PHOX2B: variants seen among roughly 807,000 people sequenced by gnomAD.
PHOX2B encodes the protein paired like homeobox 2B.
Under a neutral mutation model 15.5 loss-of-function variants are expected in PHOX2B, and 1 was observed. The ratio of observed to expected loss-of-function variants is 0.06; its 90% CI spans 0.02 to 0.31. PHOX2B has a LOEUF of 0.31. Ranked by LOEUF, PHOX2B falls within the 10% of genes least tolerant of loss-of-function variation. The probability of loss-of-function intolerance (pLI) is 1.00; values close to 1 mark genes in which losing one functional copy is unlikely to be tolerated. For synonymous variants in PHOX2B, 206 were observed against 190.5 expected (o/e 1.08, Z -0.67); for missense variants, 314 against 436.4 (o/e 0.72, Z 2.50).
rs147497096 is a variant in PHOX2B, at chr4:41,747,373, G to A, written c.405C>T (p.Ile135=). ...CCTGGACTCGCGCCTCTGTGAGGTC[G>A]ATCTTCAGGGCCAGCTCCTCCCGAG... The part of the protein sequence containing the change: ...IYTREELALK[I]DLTEARVQVW... Residue 135 remains isoleucine, a synonymous_variant, in exon 2 of 3, where the codon ATC becomes ATT. Coordinates refer to ENST00000226382, the MANE Select transcript of PHOX2B (RefSeq NM_003924.4). The A allele has an allele frequency of 1.2e-6, 2 of 1,608,350 alleles. No individual in the cohort carries two copies. The highest frequency in any genetic ancestry group is 1.3e-5 in the African/African-American group (1 of 75,032).
chr4:41,748,552 C>G lies in PHOX2B; in HGVS notation c.59G>C (p.Gly20Ala), dbSNP rs587778605. 2.5e-6 allele frequency: 4 copies of G among 1,613,702 alleles called. No homozygotes were observed. In the Admixed American group the frequency reaches 5.0e-5, roughly 20 times the overall value. Residue 20 changes from glycine (G) to alanine (A), a missense_variant, in exon 1 of 3, where the codon GGG (glycine) becomes GCG (alanine). Gly to Ala is a moderately conservative substitution (Grantham distance 60). Coordinates refer to ENST00000226382, the MANE Select transcript of PHOX2B (RefSeq NM_003924.4). ...TGAAGCCAGGCTCGAGGTGTCCATC[C>G]CAGCCATACAGGACTCGTAGGCAGA... The part of the protein sequence containing the change: ...NSSAYESCMA[G>A]MDTSSLASAY...
intron 2 of PHOX2B, 63 bp downstream of exon 2, chr4:41,747,286 C>T (rs1733937578): frequency 1.4e-6 from 2 of 1,379,554 alleles, no homozygotes; most frequent in South Asian, 2.3e-5. Context: ...CACCAGCCGC[C>T]CCTCACCCCA....
Position 41,747,550 on chromosome 4 carries a change from G to A in PHOX2B, c.242-14C>T, listed in dbSNP as rs753062380. On this transcript the variant is annotated splice_polypyrimidine_tract_variant and intron_variant, in intron 1 of 2. Transcript: ENST00000226382. ...GTTTGTAAGGAACTAGAGTATGACA[G>A]AGGAGACAGAAAGTGAGCAAATCAG... 2 of 1,602,348 alleles carry A rather than the reference G, an allele frequency of 1.2e-6. No individual in the cohort carries two copies. The highest frequency in any genetic ancestry group is 1.7e-6 in the Non-Finnish European group (2 of 1,178,364).
chr4:41,744,363 C>G lies in PHOX2B; in HGVS notation c.*1444G>C, dbSNP rs897789699. The G allele has an allele frequency of 1.3e-5, 3 of 229,582 alleles. No individual in the cohort carries two copies. The highest frequency in any genetic ancestry group is 6.7e-5 in the African/African-American group (3 of 45,024). 14.2% of individuals were successfully genotyped at this position (229,582 alleles called of 1,614,324 possible). A position where few individuals can be genotyped will look rare whatever the true frequency, so the allele number is the denominator to read the frequency against. On this transcript the variant is annotated 3_prime_UTR_variant, in exon 3 of 3. Transcript: ENST00000226382. The stretch of plus-strand genomic sequence containing the variant: ...ACACAAAAGATTGAACCCGTGAGAA[C>G]CTTATTACACCATAAAGACACGCCA...
In PHOX2B at chr4:41,748,566, C is replaced by T. The variant is rs769573717; in HGVS notation, c.45G>A (p.Glu15=). Residue 15 remains glutamate, a synonymous_variant, in exon 1 of 3, where the codon GAG becomes GAA. Coordinates refer to ENST00000226382, the MANE Select transcript of PHOX2B (RefSeq NM_003924.4). ...EYSYLNSSAY[E]SCMAGMDTSS... is the part of the protein sequence containing the mutation. ...AGGTGTCCATCCCAGCCATACAGGA[C>T]TCGTAGGCAGAGGAATTGAGGTAAG... 1.2e-6 allele frequency: 2 copies of T among 1,613,698 alleles called. No homozygotes were observed. Among genetic ancestry groups the T allele is most frequent in the East Asian group, 2.2e-5 (1 of 44,874 alleles).
In PHOX2B at chr4:41,745,925, C is replaced by G; in HGVS notation, c.827G>C (p.Gly276Ala). 6.3e-7 allele frequency: 1 copy of G among 1,599,746 alleles called. No homozygotes were observed. Among genetic ancestry groups the G allele is most frequent in the Non-Finnish European group, 8.5e-7 (1 of 1,174,056 alleles). The stretch of plus-strand genomic sequence containing the variant: ...CGGGATGGAGGTGATGGGGCCGGGG[C>G]CGGGAGCCCAGCCTTGTCCAGGGCC... ...AGGPGQGWAP[G>A]PGPITSIPDS... Residue 276 changes from glycine (G) to alanine (A), a missense_variant, in exon 3 of 3, where the codon GGC (glycine) becomes GCC (alanine). Gly to Ala is a moderately conservative substitution (Grantham distance 60, BLOSUM62 0). Coordinates refer to ENST00000226382, the MANE Select transcript of PHOX2B (RefSeq NM_003924.4). The surrounding 1 kb of genome is among the most constrained non-coding windows in gnomAD (Gnocchi z 4.0).
At position 41,747,397 on chromosome 4, in the gene PHOX2B, A is replaced by G. The variant is rs772579725; in HGVS notation, c.381T>C (p.Thr127=). 6.2e-7 allele frequency: 1 copy of G among 1,609,730 alleles called. No homozygotes were observed. The highest frequency in any genetic ancestry group is 8.5e-7 in the Non-Finnish European group (1 of 1,179,908). The stretch of plus-strand genomic sequence containing the variant: ...CGATCTTCAGGGCCAGCTCCTCCCG[A>G]GTGTAGATGTCGGGGTAGTGAGTCT... ...FAETHYPDIY[T]REELALKIDL... The change falls in exon 2 of 3, where the codon ACT becomes ACC. Residue 127 remains threonine (T), a synonymous_variant. Transcript: ENST00000226382.
At position 41,748,637 on chromosome 4, in the gene PHOX2B, A is replaced by C; in HGVS notation, c.-27T>G. 6.2e-7 allele frequency: 1 copy of C among 1,610,046 alleles called. No homozygotes were observed. The highest frequency in any genetic ancestry group is 8.5e-7 in the Non-Finnish European group (1 of 1,176,662). ...GAAAAGGTTCTGGATGGCTCAGCCA[A>C]GTGGAAAAATGAAATAAAAGATGGA... On this transcript the variant is annotated 5_prime_UTR_variant, in exon 1 of 3. Coordinates refer to ENST00000226382, the MANE Select transcript of PHOX2B (RefSeq NM_003924.4).
rs1577559372 is a variant in PHOX2B at position 41,746,273 on chromosome 4, G to C, written c.479C>G (p.Ala160Gly). The change falls in exon 3 of 3, where the codon GCG becomes GGG. Residue 160 changes from alanine (A) to glycine (G), a missense_variant. Ala to Gly is a moderately conservative substitution (Grantham distance 60, BLOSUM62 0). Transcript: ENST00000226382. The part of the protein sequence containing the change: ...RAKFRKQERA[A>G]AAAAAAAKNG... ...CTTGGCCGCGGCCGCTGCGGCTGCC[G>C]CTGCGCGCTCCTGCTTGCGAAACTT... The C allele has an allele frequency of 1.2e-6, 2 of 1,613,894 alleles. No homozygotes were observed. Among genetic ancestry groups the C allele is most frequent in the Non-Finnish European group, 1.7e-6 (2 of 1,179,892 alleles).
rs1303150051 is a variant in PHOX2B, at chr4:41,745,506, G to C, written c.*301C>G. 2.7e-6 allele frequency: 1 copy of C among 372,366 alleles called. No homozygotes were observed. Among genetic ancestry groups the C allele is most frequent in the Non-Finnish European group, 4.9e-6 (1 of 203,876 alleles). 23.1% of individuals were successfully genotyped at this position (372,366 alleles called of 1,614,324 possible). A position where few individuals can be genotyped will look rare whatever the true frequency, so the allele number is the denominator to read the frequency against. The stretch of plus-strand genomic sequence containing the variant: ...TGAGAGTGCCCCGCGTCCAGGCCGC[G>C]CTGCTCACAACCCCCGATCAGCAGG... On this transcript the variant is annotated 3_prime_UTR_variant, in exon 3 of 3. Transcript: ENST00000226382. This position sits in a 1 kb window ranked among gnomAD's most constrained non-coding sequence, Gnocchi z 4.0.
rs201654270 is a variant in PHOX2B, at chr4:41,745,257, C to CT, written c.*549dup. On this transcript the variant is annotated 3_prime_UTR_variant, in exon 3 of 3. Transcript: ENST00000226382. The surrounding 1 kb of genome is among the most constrained non-coding windows in gnomAD (Gnocchi z 4.0). ...TCCCCTAGCCCCTCCTTTAATTTGT[C>CT]TTTTTTTTCCTTATGTTTTTTAAAC... 0.01 allele frequency: 2,404 copies of CT among 233,358 alleles called. 31 individuals carry two copies. The highest frequency in any genetic ancestry group is 0.037 in the Middle Eastern group (29 of 784). 14.5% of individuals were successfully genotyped at this position (233,358 alleles called of 1,614,324 possible). A position where few individuals can be genotyped will look rare whatever the true frequency, so the allele number is the denominator to read the frequency against.
chr4:41,746,620 G>C (rs1198690686), intron 2 of PHOX2B, among the ~76,000 whole-genome samples: 2 of 152,130 alleles, frequency 1.3e-5, no homozygotes, highest in African/African-American at 4.8e-5. Context: ...TATTTTGGTG[G>C]GCCTCTGTTC....
Position 41,745,343 on chromosome 4 carries a change from T to C in PHOX2B, c.*464A>G, listed in dbSNP as rs1233676704. On this transcript the variant is annotated 3_prime_UTR_variant, in exon 3 of 3. Coordinates refer to ENST00000226382, the MANE Select transcript of PHOX2B (RefSeq NM_003924.4). The surrounding 1 kb of genome is among the most constrained non-coding windows in gnomAD (Gnocchi z 4.0). Reference sequence around the variant, plus strand: ...TTCTGCCTTCCAACTTTTTTGTTTTTATTTTTACTTTTTTGTCTTTTTTTT... The same window carrying C: ...TTCTGCCTTCCAACTTTTTTGTTTTCATTTTTACTTTTTTGTCTTTTTTTT... 1 of 234,700 alleles carries C rather than the reference T, an allele frequency of 4.3e-6. No individual in the cohort carries two copies. The highest frequency in any genetic ancestry group is 8.4e-6 in the Non-Finnish European group (1 of 118,880). 14.5% of individuals were successfully genotyped at this position (234,700 alleles called of 1,614,324 possible).
Position 41,745,739 on chromosome 4 carries a change from C to A in PHOX2B, c.*68G>T. 6.5e-7 allele frequency: 1 copy of A among 1,549,322 alleles called. No individual in the cohort carries two copies. The highest frequency in any genetic ancestry group is 1.4e-5 in the African/African-American group (1 of 73,412). On this transcript the variant is annotated 3_prime_UTR_variant, in exon 3 of 3. Coordinates refer to ENST00000226382, the MANE Select transcript of PHOX2B (RefSeq NM_003924.4). This position sits in a 1 kb window ranked among gnomAD's most constrained non-coding sequence, Gnocchi z 4.0. ...CAATAGCCTTGGGCCTACCCGCTCG[C>A]CCACTCGCCCGCCCGGGCCCTGGCT... is the stretch of plus-strand genomic sequence containing the variant.
chr4:41,748,001 G>T (rs1733968348), intron 1 of PHOX2B, among the ~76,000 whole-genome samples: 1 of 152,118 alleles, frequency 6.6e-6, no homozygotes, highest in Admixed American at 6.5e-5. Flanking sequence ...TCATAAAAAT[G>T]ACCAGCCAAA....
rs1283706591 is a variant in PHOX2B at position 41,747,545 on chromosome 4, T to C, written c.242-9A>G. On this transcript the variant is annotated splice_polypyrimidine_tract_variant and intron_variant, in intron 1 of 2. Coordinates refer to ENST00000226382, the MANE Select transcript of PHOX2B (RefSeq NM_003924.4). ...GAAGAGTTTGTAAGGAACTAGAGTATGACAGAGGAGACAGAAAGTGAGCAA... is the reference window on the plus strand; with the variant it reads ...GAAGAGTTTGTAAGGAACTAGAGTACGACAGAGGAGACAGAAAGTGAGCAA... The C allele has an allele frequency of 5.6e-6, 9 of 1,603,880 alleles. No homozygotes were observed. Among genetic ancestry groups the C allele is most frequent in the Non-Finnish European group, 6.8e-6 (8 of 1,179,036 alleles).
rs1733817228 is a variant in PHOX2B at position 41,744,263 on chromosome 4, A to G, written c.*1544T>C. On this transcript the variant is annotated 3_prime_UTR_variant, in exon 3 of 3. Transcript: ENST00000226382. ...ATGTTCACAAACATAGTCCAACAGG[A>G]AAAAAAAAGAAATCAGACAGACATG... 4.6e-6 allele frequency: 1 copy of G among 215,228 alleles called. No individual in the cohort carries two copies. The highest frequency in any genetic ancestry group is 2.3e-5 in the African/African-American group (1 of 44,182). 13.3% of individuals were successfully genotyped at this position (215,228 alleles called of 1,614,324 possible).
rs112714631 is a variant in PHOX2B, at chr4:41,745,542, G to A, written c.*265C>T. 2.3e-5 allele frequency: 10 copies of A among 432,320 alleles called. No individual in the cohort carries two copies. The East Asian group carries it at 4.0e-4, about 17-fold the overall frequency. 26.8% of individuals were successfully genotyped at this position (432,320 alleles called of 1,614,324 possible). A position where few individuals can be genotyped will look rare whatever the true frequency, so the allele number is the denominator to read the frequency against. On this transcript the variant is annotated 3_prime_UTR_variant, in exon 3 of 3. Coordinates refer to ENST00000226382, the MANE Select transcript of PHOX2B (RefSeq NM_003924.4). This position sits in a 1 kb window ranked among gnomAD's most constrained non-coding sequence, Gnocchi z 4.0. ...CCCCCGATCAGCAGGCGGAGCCCTGGCCCCGCTGCGAGGCCCCAGGCAGGT... is the reference window on the plus strand; with the variant it reads ...CCCCCGATCAGCAGGCGGAGCCCTGACCCCGCTGCGAGGCCCCAGGCAGGT...
At chr4:41,747,229 A>G (rs567926130) in intron 2 of PHOX2B, 120 bp downstream of exon 2, 23 of 784,462 alleles carry the variant, frequency 2.9e-5, no homozygotes, top group African/African-American at 6.8e-5. Flanking sequence ...CTGATCGGCC[A>G]TGGGGCCCTA....
Sources: allele counts gnomAD v4.1 joint callset (sites outside exome capture counted in the v4.1 genomes callset), GRCh38; gene constraint gnomAD v4.1.1; non-coding constraint Gnocchi (gnomAD v3.1); transcripts MANE v1.5; gene names NCBI Gene and HGNC (gene_info 2026-07-23, HGNC 2026-07-21).